The following TRAPPC10 variants were observed in gnomAD, a reference collection of about 807,000 sequenced individuals.
TRAPPC10 encodes TRAPP 130 kDa subunit.
In TRAPPC10, 23 loss-of-function variants were observed where a neutral mutation model predicts 125.5. The observed-to-expected ratio is 0.18, with a 90% confidence interval of 0.13 to 0.26. TRAPPC10 has a LOEUF of 0.26. TRAPPC10 is among the 10% of genes least tolerant of loss of function. TRAPPC10 has a pLI of 1.00. For missense variants in TRAPPC10, 1,123 were observed against 1,308.4 expected, an observed-to-expected ratio of 0.86 and a Z score of 2.19; for synonymous variants, 509 against 518.0, an observed-to-expected ratio of 0.98 and a Z score of 0.24.
rs145481876 is a variant in TRAPPC10, at chr21:44,052,386, A to T, written c.392A>T (p.Asp131Val). 32 of 1,613,990 alleles carry T rather than the reference A, an allele frequency of 2.0e-5. No homozygotes were observed. The highest frequency in any genetic ancestry group is 2.7e-5 in the Non-Finnish European group (32 of 1,180,040). Residue 131 changes from aspartate to valine, a missense_variant, in exon 4 of 23, where the codon GAT becomes GTT. Coordinates refer to ENST00000291574, the MANE Select transcript of TRAPPC10 (RefSeq NM_003274.5). ...VDWLIVIVEN[D>V]AKKKNKTNIL... ...TGGTTAATAGTGATAGTTGAAAATG[A>T]TGCCAAGAAAAAAAACAAAACCAAC...
At position 44,082,835 on chromosome 21, in the gene TRAPPC10, C is replaced by G; in HGVS notation, c.1771C>G (p.Leu591Val). The G allele has an allele frequency of 6.2e-7, 1 of 1,614,058 alleles. No homozygotes were observed. The highest frequency in any genetic ancestry group is 2.2e-5 in the East Asian group (1 of 44,876). The stretch of plus-strand genomic sequence containing the variant: ...GCATTCCTTTGCACAACTGCGAGAT[C>G]TCCATTTTGATCCCTCCAATGCCGT... ...PMHSFAQLRDLHFDPSNAVVH... is the reference protein window; with the variant it reads ...PMHSFAQLRDVHFDPSNAVVH... Residue 591 changes from leucine (L) to valine (V), a missense_variant, in exon 14 of 23, where the codon CTC becomes GTC. By Grantham distance (32) the Leu-to-Val change is conservative. Coordinates refer to ENST00000291574, the MANE Select transcript of TRAPPC10 (RefSeq NM_003274.5). This position sits in a 1 kb window ranked among gnomAD's most constrained non-coding sequence, Gnocchi z 4.4.
At position 44,089,888 on chromosome 21, in the gene TRAPPC10, G is replaced by A. The variant is rs1338230404; in HGVS notation, c.2825G>A (p.Ser942Asn). The A allele has an allele frequency of 2.5e-6, 4 of 1,613,942 alleles. No homozygotes were observed. In the South Asian group the frequency reaches 4.4e-5, roughly 18 times the overall value. ...IYSTVIALTFSVPFRTTHSLL... is the reference protein window; with the variant it reads ...IYSTVIALTFNVPFRTTHSLL... ...TCCACAGTCATCGCACTGACCTTCA[G>A]CGTACCCTTCAGGACCACACACAGC... The change falls in exon 18 of 23, where the codon AGC becomes AAC. Residue 942 changes from serine (S) to asparagine (N), a missense_variant. Physicochemically the swap from Ser to Asn is conservative, Grantham distance 46. This residue lies in a region of TRAPPC10 where 840 missense variants were observed against 902.0 expected (regional missense o/e 0.93). Coordinates refer to ENST00000291574, the MANE Select transcript of TRAPPC10 (RefSeq NM_003274.5).
chr21:44,088,009 C>T (rs2146169765), intron 17 of TRAPPC10, 81 bp downstream of exon 17: 2 of 1,251,954 alleles, frequency 1.6e-6, no homozygotes, highest in East Asian at 2.5e-5. Flanking sequence ...TGTAGCGATG[C>T]CTGCTGTTAG....
chr21:44,077,746 T>C lies in TRAPPC10; in HGVS notation c.1431T>C (p.Ser477=), dbSNP rs751197878. 6.2e-7 allele frequency: 1 copy of C among 1,611,428 alleles called. No homozygotes were observed. Among genetic ancestry groups the C allele is most frequent in the Non-Finnish European group, 8.5e-7 (1 of 1,178,340 alleles). ...ATACAAGCATTGGGAGGATTCGATC[T>C]GCTAAGTTTGTTGGAAAAGATCTGG... The part of the protein sequence containing the change: ...EMYTSIGRIR[S]AKFVGKDLAE... Residue 477 remains serine, a synonymous_variant, in exon 11 of 23, where the codon TCT becomes TCC. Transcript: ENST00000291574.
intron 13 of TRAPPC10, among the ~76,000 whole-genome samples, chr21:44,081,526 C>T (rs761578979): frequency 6.6e-6 from 1 of 152,174 alleles, no homozygotes; most frequent in Non-Finnish European, 1.5e-5. Context: ...CCCCAAAGTG[C>T]TGGGATTACA....
intron 5 of TRAPPC10, 64 bp downstream of exon 5, chr21:44,055,957 T>C (rs2035557947): frequency 7.3e-7 from 1 of 1,367,576 alleles, no homozygotes; most frequent in Admixed American, 2.1e-5. Context: ...TCCCTCCCTC[T>C]CTCCTCCTTT....
chr21:44,063,689 G>A lies in TRAPPC10; in HGVS notation c.942G>A (p.Gln314=). The change falls in exon 7 of 23, where the codon CAG becomes CAA. Residue 314 remains glutamine (Q), a synonymous_variant. Transcript: ENST00000291574. This position sits in a 1 kb window ranked among gnomAD's most constrained non-coding sequence, Gnocchi z 4.4. The stretch of plus-strand genomic sequence containing the variant: ...TGCGCAGTTACCTGTTCTCTCGCCA[G>A]TGCACCTTGCTGCTCTTCCTGCAGA... ...LDLRSYLFSR[Q]CTLLLFLQRP... is the part of the protein sequence containing the mutation. 1 of 1,614,222 alleles carries A rather than the reference G, an allele frequency of 6.2e-7. No individual in the cohort carries two copies. Among genetic ancestry groups the A allele is most frequent in the Non-Finnish European group, 8.5e-7 (1 of 1,180,046 alleles).
chr21:44,023,690 C>T (rs757743603), intron 1 of TRAPPC10, among the ~76,000 whole-genome samples: 24 of 152,240 alleles, frequency 1.6e-4, no homozygotes, highest in Non-Finnish European at 2.8e-4. Flanking sequence ...AGACCATAGT[C>T]TGCAAGCTTG....
At chr21:44,072,122 GA>G (rs1483210589) in intron 7 of TRAPPC10, among the ~76,000 whole-genome samples, 1 of 152,150 alleles carries the variant, frequency 6.6e-6, no homozygotes, top group Non-Finnish European at 1.5e-5. Context: ...CTCTTTGCAG[GA>G]AAAAAATATA....
chr21:44,051,270 G>A (rs1212489329), intron 3 of TRAPPC10, among the ~76,000 whole-genome samples: 1 of 152,182 alleles, frequency 6.6e-6, no homozygotes, highest in Non-Finnish European at 1.5e-5. Context: ...TGTTACTCAA[G>A]AGTGACTTGA....
At chr21:44,020,183 T>C (rs2032348441) in intron 1 of TRAPPC10, among the ~76,000 whole-genome samples, 1 of 151,450 alleles carries the variant, frequency 6.6e-6, no homozygotes. Flanking sequence ...TGCAGTGGCG[T>C]GATCTCGGCT....
chr21:44,012,368 G>C lies in TRAPPC10; in HGVS notation c.-126G>C. Reference sequence around the variant, plus strand: ...AGCGGGCGGCAGCTGCGGCGCAACCGGCTCCGGAGCTGCCTGGCGCGGCCG... The same window carrying C: ...AGCGGGCGGCAGCTGCGGCGCAACCCGCTCCGGAGCTGCCTGGCGCGGCCG... On this transcript the variant is annotated 5_prime_UTR_variant, in exon 1 of 23. Coordinates refer to ENST00000291574, the MANE Select transcript of TRAPPC10 (RefSeq NM_003274.5). 1 of 388,358 alleles carries C rather than the reference G, an allele frequency of 2.6e-6. No individual in the cohort carries two copies. The highest frequency in any genetic ancestry group is 3.5e-6 in the Non-Finnish European group (1 of 284,398). The allele number at this position is 388,358 out of a possible 1,614,324, so 24.1% of individuals were successfully genotyped here.
chr21:44,045,523 G>T (rs2034724501), intron 3 of TRAPPC10, among the ~76,000 whole-genome samples: 1 of 151,776 alleles, frequency 6.6e-6, no homozygotes, highest in Non-Finnish European at 1.5e-5. Flanking sequence ...TACAAAAGTG[G>T]CTTTTTTTCT....
intron 1 of TRAPPC10, among the ~76,000 whole-genome samples, chr21:44,013,729 CT>C (rs1281438951): frequency 6.6e-6 from 1 of 152,116 alleles, no homozygotes. Flanking sequence ...CCTCCTCTCT[CT>C]TTTTTTTCTA....
At chr21:44,076,698 T>C (rs2037309037) in intron 10 of TRAPPC10, 70 bp downstream of exon 10, 1 of 1,365,666 alleles carries the variant, frequency 7.3e-7, no homozygotes, top group Non-Finnish European at 1.0e-6. Flanking sequence ...CTACATGGCC[T>C]GTTGAGTTGG....
intron 3 of TRAPPC10, 120 bp from the exon 4 acceptor site, chr21:44,052,160 C>T (rs905435247): frequency 2.2e-5 from 19 of 865,870 alleles, no homozygotes; most frequent in Admixed American, 1.8e-4. Flanking sequence ...ATTTAAGTCC[C>T]GAGCCTGTCC....
intron 2 of TRAPPC10, among the ~76,000 whole-genome samples, chr21:44,037,150 C>G (rs142768402): frequency 6.6e-6 from 1 of 152,058 alleles, no homozygotes; most frequent in Non-Finnish European, 1.5e-5. Context: ...AGTAAAGGCA[C>G]GGCACAGAGA....
chr21:44,089,489 AT>A, intron 17 of TRAPPC10: 1 of 467,616 alleles, frequency 2.1e-6, no homozygotes, highest in Non-Finnish European at 4.3e-6. Flanking sequence ...CCCTGTGCAC[AT>A]TGCAACATGC....
intron 6 of TRAPPC10, chr21:44,062,853 G>T (rs2036160510): frequency 2.1e-5 from 21 of 985,462 alleles, no homozygotes; most frequent in Non-Finnish European, 2.5e-5. Flanking sequence ...CTCTGTTGAA[G>T]TGAGAAAAAT....
Sources: allele counts gnomAD v4.1 joint callset (sites outside exome capture counted in the v4.1 genomes callset), GRCh38; gene constraint gnomAD v4.1.1; regional missense constraint gnomAD v4.1.1; non-coding constraint Gnocchi (gnomAD v3.1); transcripts MANE v1.5; gene names NCBI Gene and HGNC (gene_info 2026-07-23, HGNC 2026-07-21).